The following PCDHGA8 variants were observed in gnomAD, a reference collection of about 807,000 sequenced individuals.
PCDHGA8 encodes protocadherin gamma subfamily A, 8.
A neutral mutation model predicts 59.2 loss-of-function variants in PCDHGA8; 45 were observed. The observed-to-expected ratio is 0.76, with a 90% CI of 0.60 to 0.98. The LOEUF is 0.98. Ranked by LOEUF, PCDHGA8 falls within the 50% of genes least tolerant of loss-of-function variation. The pLI is 0.00. For missense variants in PCDHGA8, 1,257 were observed against 1,196.2 expected (o/e 1.05, Z -0.75); for synonymous variants, 531 against 519.0 (o/e 1.02, Z -0.32).
Position 141,491,402 on chromosome 5 carries a change from C to T in PCDHGA8, c.2425-3405C>T. 1 of 1,614,156 alleles carries T rather than the reference C, an allele frequency of 6.2e-7. No individual in the cohort carries two copies. Among genetic ancestry groups the T allele is most frequent in the Non-Finnish European group, 8.5e-7 (1 of 1,180,022 alleles). ...TCAGCGAAGTGCCTTCAGGGAAACG[C>T]AGACGGGGACGGGGGTGGAGGGCAG... On this transcript the variant is annotated intron_variant, in intron 1 of 3. Transcript: ENST00000398604. The surrounding 1 kb of genome is among the most constrained non-coding windows in gnomAD (Gnocchi z 6.9).
intron 1 of PCDHGA8, among the ~76,000 whole-genome samples, chr5:141,407,824 G>C (rs2094986699): frequency 6.6e-6 from 1 of 152,190 alleles, no homozygotes; most frequent in South Asian, 2.1e-4. Context: ...TAATATTATG[G>C]TGAGAGCAAA....
At position 141,394,596 on chromosome 5, in the gene PCDHGA8, G is replaced by A. The variant is rs1485546922; in HGVS notation, c.1783G>A (p.Asp595Asn). Residue 595 changes from aspartate (D) to asparagine (N), a missense_variant, in exon 1 of 4, where the codon GAC (aspartate) becomes AAC (asparagine). Coordinates refer to ENST00000398604, the MANE Select transcript of PCDHGA8 (RefSeq NM_032088.2). ...CCTGGTGACCAAGGTGGTGGCGGTG[G>A]ACAGAGACTCGGGCCAGAACGCCTG... Reference protein sequence around the residue: ...GYLVTKVVAVDRDSGQNAWLS... With the variant: ...GYLVTKVVAVNRDSGQNAWLS... 2 of 1,613,702 alleles carry A rather than the reference G, an allele frequency of 1.2e-6. No individual in the cohort carries two copies. The highest frequency in any genetic ancestry group is 1.7e-6 in the Non-Finnish European group (2 of 1,180,026).
rs1554116817 is a variant in PCDHGA8 at position 141,423,755 on chromosome 5, G to GGC, written c.2424+28519_2424+28520insCG. 3 of 512,420 alleles carry GGC rather than the reference G, an allele frequency of 5.9e-6. No individual in the cohort carries two copies. The African/African-American group carries it at 8.1e-5, about 14-fold the overall frequency. 31.7% of individuals were successfully genotyped at this position (512,420 alleles called of 1,614,324 possible). A position where few individuals can be genotyped will look rare whatever the true frequency, so the allele number is the denominator to read the frequency against. On this transcript the variant is annotated intron_variant, in intron 1 of 3. Coordinates refer to ENST00000398604, the MANE Select transcript of PCDHGA8 (RefSeq NM_032088.2). ...AGCCTGTTATGAAAACTGTTTGGGGGGGGGGTGGGGCGGCATATATTTAGT... is the reference window on the plus strand; with the variant it reads ...AGCCTGTTATGAAAACTGTTTGGGGGGCGGGGGTGGGGCGGCATATATTTAGT...
intron 3 of PCDHGA8, among the ~76,000 whole-genome samples, chr5:141,510,375 G>A (rs980966602): frequency 3.4e-5 from 5 of 148,132 alleles, no homozygotes; most frequent in East Asian, 2.0e-4. Context: ...ATCTCTACTC[G>A]TGCCAGGCCT....
chr5:141,489,427 C>T lies in PCDHGA8; in HGVS notation c.2425-5380C>T, dbSNP rs370540900. 83 of 1,613,990 alleles carry T rather than the reference C, an allele frequency of 5.1e-5. No individual in the cohort carries two copies. The highest frequency in any genetic ancestry group is 8.3e-5 in the Admixed American group (5 of 59,996). On this transcript the variant is annotated intron_variant, in intron 1 of 3. Transcript: ENST00000398604. The surrounding 1 kb of genome is among the most constrained non-coding windows in gnomAD (Gnocchi z 4.5). ...AAAGATGACAGATCTGTTGAGCCGGCGGCTGCAATTGGGCTCTGAGGAGAA... is the reference window on the plus strand; with the variant it reads ...AAAGATGACAGATCTGTTGAGCCGGTGGCTGCAATTGGGCTCTGAGGAGAA...
chr5:141,510,633 TACCA>T (rs2099882032), intron 3 of PCDHGA8, among the ~76,000 whole-genome samples: 1 of 152,110 alleles, frequency 6.6e-6, no homozygotes, highest in Admixed American at 6.6e-5. Flanking sequence ...AAGAGGTGGT[TACCA>T]TTATCATCCC....
At chr5:141,479,986 C>T (rs2099510881) in intron 1 of PCDHGA8, among the ~76,000 whole-genome samples, 1 of 152,200 alleles carries the variant, frequency 6.6e-6, no homozygotes, top group Non-Finnish European at 1.5e-5. Flanking sequence ...CATTTACCAA[C>T]TAGGAGTCTG....
chr5:141,415,304 C>A, intron 1 of PCDHGA8: 1 of 1,614,188 alleles, frequency 6.2e-7, no homozygotes, highest in Non-Finnish European at 8.5e-7. Context: ...GTCTTCCTGG[C>A]CTTCGTCATC....
Position 141,432,061 on chromosome 5 carries a change from G to A in PCDHGA8, c.2424+36824G>A. 1 of 1,614,130 alleles carries A rather than the reference G, an allele frequency of 6.2e-7. No homozygotes were observed. The highest frequency in any genetic ancestry group is 8.5e-7 in the Non-Finnish European group (1 of 1,180,034). ...ACCGGGGAACCCCGCCCCTATCCAC[G>A]GAAACTCATATCTCGCTGAACGTGG... On this transcript the variant is annotated intron_variant, in intron 1 of 3. Coordinates refer to ENST00000398604, the MANE Select transcript of PCDHGA8 (RefSeq NM_032088.2). The surrounding 1 kb of genome is among the most constrained non-coding windows in gnomAD (Gnocchi z 6.0).
chr5:141,512,395 C>T lies in PCDHGA8; in HGVS notation c.*1222C>T, dbSNP rs1229077213. ...ACCAAATGAACAGAAAGTCTCAGCCCAGGATGGGGCTTCTTCAACAGGGCC... is the reference window on the plus strand; with the variant it reads ...ACCAAATGAACAGAAAGTCTCAGCCTAGGATGGGGCTTCTTCAACAGGGCC... On this transcript the variant is annotated 3_prime_UTR_variant, in exon 4 of 4. Coordinates refer to ENST00000398604, the MANE Select transcript of PCDHGA8 (RefSeq NM_032088.2). 1 of 152,690 alleles carries T rather than the reference C, an allele frequency of 6.5e-6. No individual in the cohort carries two copies. Among genetic ancestry groups the T allele is most frequent in the Non-Finnish European group, 1.5e-5 (1 of 68,072 alleles). The allele number at this position is 152,690 out of a possible 1,614,324, so 9.5% of individuals were successfully genotyped here.
At chr5:141,488,021 C>A (rs570700985) in intron 1 of PCDHGA8, among the ~76,000 whole-genome samples, 1 of 152,244 alleles carries the variant, frequency 6.6e-6, no homozygotes, top group East Asian at 1.9e-4. Flanking sequence ...TACCTTAACT[C>A]TAGGTTACCA....
chr5:141,459,886 G>A (rs932435611), intron 1 of PCDHGA8, among the ~76,000 whole-genome samples: 2 of 152,080 alleles, frequency 1.3e-5, no homozygotes, highest in Non-Finnish European at 2.9e-5. Context: ...TGAGCTGAAC[G>A]CCTTCTTAAA....
In PCDHGA8 at chr5:141,511,445, A is replaced by G; in HGVS notation, c.*272A>G. ...GGTAGTGGGGTTACTGTAGACACCA[A>G]GAACCATTTGCCACACCCCGTTTAG... On this transcript the variant is annotated 3_prime_UTR_variant, in exon 4 of 4. Coordinates refer to ENST00000398604, the MANE Select transcript of PCDHGA8 (RefSeq NM_032088.2). 4.5e-6 allele frequency: 3 copies of G among 659,774 alleles called. No individual in the cohort carries two copies. Among genetic ancestry groups the G allele is most frequent in the Non-Finnish European group, 4.9e-6 (2 of 412,228 alleles). 40.9% of individuals were successfully genotyped at this position (659,774 alleles called of 1,614,324 possible). A position where few individuals can be genotyped will look rare whatever the true frequency, so the allele number is the denominator to read the frequency against.
chr5:141,401,922 A>C (rs899426870), intron 1 of PCDHGA8, among the ~76,000 whole-genome samples: 10 of 152,194 alleles, frequency 6.6e-5, no homozygotes, highest in Non-Finnish European at 1.3e-4. Flanking sequence ...AGTTTAAGTG[A>C]TGCTTAGAAT....
chr5:141,401,819 G>A (rs2094196222), intron 1 of PCDHGA8, among the ~76,000 whole-genome samples: 3 of 152,280 alleles, frequency 2.0e-5, no homozygotes, highest in Middle Eastern at 3.4e-3. Flanking sequence ...TCCTTACAAA[G>A]TGCTGAGATT....
Position 141,431,112 on chromosome 5 carries a change from GAGTAGA to G in PCDHGA8, c.2424+35886_2424+35891del, listed in dbSNP as rs764068262. On this transcript the variant is annotated intron_variant, in intron 1 of 3. Transcript: ENST00000398604. The surrounding 1 kb of genome is among the most constrained non-coding windows in gnomAD (Gnocchi z 4.8). ...ATGGAGGATAAAGTGAAAATATATG[GAGTAGA>G]AGTAGAAGTAAGGGACATTAACGAC... The G allele has an allele frequency of 1.7e-5, 28 of 1,614,128 alleles. No individual in the cohort carries two copies. The highest frequency in any genetic ancestry group is 3.3e-5 in the South Asian group (3 of 91,092).
chr5:141,448,394 T>A (rs1360417681), intron 1 of PCDHGA8, among the ~76,000 whole-genome samples: 2 of 152,206 alleles, frequency 1.3e-5, no homozygotes, highest in Admixed American at 6.5e-5. Context: ...TACATTTACA[T>A]GGTTTTAAAA....
At chr5:141,417,753 C>T (rs889153718) in intron 1 of PCDHGA8, 3 of 1,431,672 alleles carry the variant, frequency 2.1e-6, no homozygotes, top group African/African-American at 2.9e-5. Flanking sequence ...ATTGCCAGCT[C>T]CGAGACCCGG....
chr5:141,393,016 C>G lies in PCDHGA8; in HGVS notation c.203C>G (p.Ser68Cys). ...KLAKHGVRIVSRGRTQLFALN... is the reference protein window; with the variant it reads ...KLAKHGVRIVCRGRTQLFALN... ...GCGAAGCACGGAGTCCGTATCGTCT[C>G]CAGAGGTAGGACGCAGCTCTTTGCT... Residue 68 changes from serine to cysteine, a missense_variant, in exon 1 of 4, where the codon TCC becomes TGC. Transcript: ENST00000398604. The G allele has an allele frequency of 6.2e-7, 1 of 1,613,872 alleles. No individual in the cohort carries two copies. The highest frequency in any genetic ancestry group is 2.2e-5 in the East Asian group (1 of 44,876).
Sources: allele counts gnomAD v4.1 joint callset (sites outside exome capture counted in the v4.1 genomes callset), GRCh38; gene constraint gnomAD v4.1.1; non-coding constraint Gnocchi (gnomAD v3.1); transcripts MANE v1.5; gene names NCBI Gene and HGNC (gene_info 2026-07-23, HGNC 2026-07-21).